The following KCNB2 variants were observed in gnomAD, a reference collection of about 807,000 sequenced individuals.
The protein encoded by KCNB2 is potassium voltage-gated channel subfamily B member 2, also known as delayed rectifier potassium channel protein.
A neutral mutation model predicts 61.5 loss-of-function variants in KCNB2; 15 were observed. The ratio of observed to expected loss-of-function variants is 0.24; its 90% CI spans 0.16 to 0.38. The LOEUF (loss-of-function observed/expected upper bound fraction) is 0.38, where lower values mean the gene tolerates loss of function less well. Among genes scored for constraint, KCNB2 ranks in the 10% least tolerant of loss-of-function variants. KCNB2 has a pLI of 1.00. For synonymous variants in KCNB2, 457 were observed against 446.0 expected, an observed-to-expected ratio of 1.02 and a Z score of -0.31; for missense variants, 828 against 1,125.2, an observed-to-expected ratio of 0.74 and a Z score of 3.78.
intron 2 of KCNB2, among the ~76,000 whole-genome samples, chr8:72,590,522 T>A (rs552945351): frequency 1.3e-4 from 20 of 152,312 alleles, no homozygotes; most frequent in African/African-American, 4.6e-4. Flanking sequence ...GAAAAGTGAA[T>A]CCTTTCATAA....
intron 2 of KCNB2, among the ~76,000 whole-genome samples, chr8:72,698,462 T>A (rs1326125864): frequency 6.6e-6 from 1 of 152,114 alleles, no homozygotes; most frequent in African/African-American, 2.4e-5. Flanking sequence ...GATTCAACAC[T>A]ATTCCTATCA....
intron 2 of KCNB2, among the ~76,000 whole-genome samples, chr8:72,785,521 C>G (rs1424408350): frequency 6.6e-6 from 1 of 151,978 alleles, no homozygotes; most frequent in South Asian, 2.1e-4. Context: ...CAGATAAAAT[C>G]AGAAAGAAAA....
chr8:72,858,439 T>C (rs1490440417), intron 2 of KCNB2, among the ~76,000 whole-genome samples: 4 of 152,222 alleles, frequency 2.6e-5, no homozygotes, highest in African/African-American at 9.6e-5. Flanking sequence ...GATATATGTA[T>C]GCTTAGATCA....
intron 2 of KCNB2, among the ~76,000 whole-genome samples, chr8:72,932,659 T>G (rs1303409914): frequency 6.6e-6 from 1 of 152,200 alleles, no homozygotes; most frequent in African/African-American, 2.4e-5. Flanking sequence ...CATTGGCTTT[T>G]TCAGCTTTTA....
intron 2 of KCNB2, among the ~76,000 whole-genome samples, chr8:72,733,656 A>C (rs375510347): frequency 6.6e-6 from 1 of 152,144 alleles, no homozygotes; most frequent in Non-Finnish European, 1.5e-5. Flanking sequence ...CATGTTCTAC[A>C]TGTTGACACT....
intron 2 of KCNB2, among the ~76,000 whole-genome samples, chr8:72,803,137 G>A (rs753047644): frequency 1.3e-5 from 2 of 152,266 alleles, no homozygotes; most frequent in East Asian, 1.9e-4. Flanking sequence ...CTTCCTTCAC[G>A]TTGCGGGGTG....
At chr8:72,833,841 T>C (rs1809736463) in intron 2 of KCNB2, among the ~76,000 whole-genome samples, 1 of 152,172 alleles carries the variant, frequency 6.6e-6, no homozygotes, top group African/African-American at 2.4e-5. Flanking sequence ...TGACTCAGAA[T>C]GAAGGCAGAA....
chr8:72,719,757 T>A (rs146322236), intron 2 of KCNB2, among the ~76,000 whole-genome samples: 12 of 152,090 alleles, frequency 7.9e-5, no homozygotes, highest in African/African-American at 2.4e-4. Context: ...TTGCAGTACT[T>A]TAGTGGCTTA....
intron 2 of KCNB2, among the ~76,000 whole-genome samples, chr8:72,906,070 G>A (rs766880125): frequency 6.6e-6 from 1 of 152,186 alleles, no homozygotes; most frequent in Non-Finnish European, 1.5e-5. Context: ...TTGTCAAGCA[G>A]CTCGAAAGCT....
intron 2 of KCNB2, among the ~76,000 whole-genome samples, chr8:72,702,530 C>T (rs961861729): frequency 3.3e-5 from 5 of 152,100 alleles, no homozygotes; most frequent in Admixed American, 3.3e-4. Flanking sequence ...TGCTAGTGGC[C>T]ATTCAGAAAG....
At chr8:72,732,561 G>T (rs538115356) in intron 2 of KCNB2, among the ~76,000 whole-genome samples, 5 of 152,282 alleles carry the variant, frequency 3.3e-5, no homozygotes, top group African/African-American at 1.2e-4. Context: ...AAGGATTTTT[G>T]ACTGCAAGAA....
intron 2 of KCNB2, among the ~76,000 whole-genome samples, chr8:72,731,435 G>A (rs1275408903): frequency 6.6e-5 from 10 of 152,200 alleles, no homozygotes. Flanking sequence ...TGTTAAACAT[G>A]GAAGTATCTG....
chr8:72,816,351 T>C (rs1038712958), intron 2 of KCNB2, among the ~76,000 whole-genome samples: 1 of 152,178 alleles, frequency 6.6e-6, no homozygotes, highest in Non-Finnish European at 1.5e-5. Context: ...ACAATTTCCC[T>C]TTCAGTTGAA....
At chr8:72,827,893 A>G (rs1257256894) in intron 2 of KCNB2, among the ~76,000 whole-genome samples, 1 of 151,770 alleles carries the variant, frequency 6.6e-6, no homozygotes, top group Non-Finnish European at 1.5e-5. Flanking sequence ...GCTCACTGCA[A>G]CCTCCACCTC....
At chr8:72,765,820 G>A (rs1176898291) in intron 2 of KCNB2, among the ~76,000 whole-genome samples, 3 of 152,172 alleles carry the variant, frequency 2.0e-5, no homozygotes, top group Non-Finnish European at 4.4e-5. Flanking sequence ...CACTGGATCT[G>A]GGATGGGGCC....
chr8:72,748,358 G>T (rs1328634234), intron 2 of KCNB2, among the ~76,000 whole-genome samples: 1 of 152,102 alleles, frequency 6.6e-6, no homozygotes, highest in Non-Finnish European at 1.5e-5. Context: ...AGCTTCAACA[G>T]ACCTCCCAAC....
At chr8:72,920,640 C>A (rs1806504666) in intron 2 of KCNB2, among the ~76,000 whole-genome samples, 2 of 150,724 alleles carry the variant, frequency 1.3e-5, no homozygotes, top group African/African-American at 2.4e-5. Flanking sequence ...CAGACACTGT[C>A]TCAAAATATA....
At chr8:72,741,972 T>C (rs546133834) in intron 2 of KCNB2, among the ~76,000 whole-genome samples, 24 of 152,324 alleles carry the variant, frequency 1.6e-4, no homozygotes, top group Non-Finnish European at 2.8e-4. Flanking sequence ...CCATTTGATC[T>C]AGCAATCCCA....
At chr8:72,927,748 C>T (rs1309675642) in intron 2 of KCNB2, among the ~76,000 whole-genome samples, 1 of 152,174 alleles carries the variant, frequency 6.6e-6, no homozygotes, top group Non-Finnish European at 1.5e-5. Flanking sequence ...CAGCCTATAC[C>T]CTTATATGCA....
Sources: gnomAD v4.1 joint callset for allele counts (sites outside exome capture counted in the v4.1 genomes callset) on GRCh38, gnomAD v4.1.1 for gene constraint, MANE v1.5 for transcripts, NCBI Gene and HGNC (gene_info 2026-07-23, HGNC 2026-07-21) for gene names.